PLCE1: variants seen among roughly 807,000 people sequenced by gnomAD.
The protein encoded by PLCE1 is phospholipase C epsilon 1.
In PLCE1, 119 loss-of-function variants were observed where a neutral mutation model predicts 242.8. That is an observed-to-expected ratio of 0.49 (90% confidence interval 0.42 to 0.57). PLCE1 has a LOEUF of 0.57. PLCE1 is among the 20% of genes least tolerant of loss of function. The probability of loss-of-function intolerance (pLI) is 0.00; values close to 1 mark genes in which losing one functional copy is unlikely to be tolerated. For missense variants in PLCE1, 2,441 were observed against 2,788.8 expected (o/e 0.88, Z 2.81); for synonymous variants, 945 against 1,017.4 (o/e 0.93, Z 1.35).
At chr10:94,157,691 G>A (rs1169295121) in intron 3 of PLCE1, among the ~76,000 whole-genome samples, 2 of 152,204 alleles carry the variant, frequency 1.3e-5, no homozygotes, top group Non-Finnish European at 2.9e-5. Context: ...GTTTTCTGAT[G>A]TGTAAAGTGT....
chr10:94,268,250 T>C (rs758272469), intron 16 of PLCE1, among the ~76,000 whole-genome samples: 2 of 152,186 alleles, frequency 1.3e-5, no homozygotes, highest in Non-Finnish European at 2.9e-5. Context: ...TGAGCTAACA[T>C]ATTAAAGCTT....
chr10:94,128,316 A>T (rs1476450976), intron 2 of PLCE1, among the ~76,000 whole-genome samples: 1 of 152,180 alleles, frequency 6.6e-6, no homozygotes, highest in African/African-American at 2.4e-5. Context: ...TTCCCTGAAC[A>T]TTGCCATATC....
intron 2 of PLCE1, among the ~76,000 whole-genome samples, chr10:94,042,665 A>G (rs766614982): frequency 6.6e-6 from 1 of 152,108 alleles, no homozygotes; most frequent in Non-Finnish European, 1.5e-5. Flanking sequence ...AACAATACCA[A>G]TTCTTAATGC....
intron 2 of PLCE1, among the ~76,000 whole-genome samples, chr10:94,112,590 A>G (rs1416661953): frequency 6.6e-6 from 1 of 152,222 alleles, no homozygotes; most frequent in Admixed American, 6.5e-5. Flanking sequence ...CTGGCTGCTC[A>G]TAGAATCACT....
intron 3 of PLCE1, among the ~76,000 whole-genome samples, chr10:94,158,860 T>C (rs987860272): frequency 1.3e-4 from 19 of 144,442 alleles, no homozygotes; most frequent in Non-Finnish European, 2.1e-4. Flanking sequence ...TTTTCTTTTT[T>C]TTTTTTTTTT....
chr10:94,173,200 G>A (rs1425668773), intron 4 of PLCE1, among the ~76,000 whole-genome samples: 1 of 152,142 alleles, frequency 6.6e-6, no homozygotes, highest in Non-Finnish European at 1.5e-5. Flanking sequence ...TCAGGCCCTG[G>A]GCTTTGAATA....
chr10:94,154,114 A>G (rs1241972869), intron 3 of PLCE1, among the ~76,000 whole-genome samples: 1 of 152,226 alleles, frequency 6.6e-6, no homozygotes, highest in African/African-American at 2.4e-5. Context: ...TACAGGCATA[A>G]AGACAGACAT....
intron 2 of PLCE1, among the ~76,000 whole-genome samples, chr10:94,039,017 G>A (rs1049672275): frequency 1.1e-4 from 16 of 151,952 alleles, no homozygotes; most frequent in African/African-American, 1.9e-4. Context: ...CTTTCACTTC[G>A]CATAATCTTT....
chr10:94,310,356 C>T (rs12254178), intron 27 of PLCE1, among the ~76,000 whole-genome samples: 5,109 of 152,256 alleles, frequency 0.034, 287 homozygotes, highest in African/African-American at 0.11. Flanking sequence ...CCCTTCATCA[C>T]TCCACAGCAA....
chr10:94,102,434 T>G (rs562713667), intron 2 of PLCE1, among the ~76,000 whole-genome samples: 176 of 152,258 alleles, frequency 1.2e-3, no homozygotes, highest in Non-Finnish European at 2.1e-3. Context: ...TTATTGTTTT[T>G]CAGTTTTTAC....
chr10:94,155,057 CT>C (rs1317462926), intron 3 of PLCE1, among the ~76,000 whole-genome samples: 1 of 151,928 alleles, frequency 6.6e-6, no homozygotes, highest in Non-Finnish European at 1.5e-5. Flanking sequence ...GGTACAACCC[CT>C]GTAGGAAACA....
chr10:94,222,023 G>A (rs987634175), intron 4 of PLCE1, among the ~76,000 whole-genome samples: 4 of 152,006 alleles, frequency 2.6e-5, no homozygotes, highest in African/African-American at 2.4e-5. Context: ...CCCTGCCCAC[G>A]GCCTCCTGGG....
chr10:93,996,743 A>G (rs1223583), intron 1 of PLCE1, among the ~76,000 whole-genome samples: 83,302 of 152,096 alleles, frequency 0.55, 23,715 homozygotes, highest in East Asian at 0.75. Flanking sequence ...CTCGGAGGCT[A>G]CATTGTCCAA....
chr10:94,297,045 T>C (rs1406725607), intron 23 of PLCE1, among the ~76,000 whole-genome samples: 2 of 152,038 alleles, frequency 1.3e-5, no homozygotes, highest in Non-Finnish European at 2.9e-5. Flanking sequence ...TTTTTGTATT[T>C]TTAGTAGAGA....
At chr10:94,212,305 G>A (rs945225142) in intron 4 of PLCE1, among the ~76,000 whole-genome samples, 2 of 152,088 alleles carry the variant, frequency 1.3e-5, no homozygotes, top group Admixed American at 6.5e-5. Flanking sequence ...TGCCCAGGCC[G>A]GAGTGCAGTG....
intron 4 of PLCE1, 114 bp downstream of exon 4, chr10:94,171,610 C>T: frequency 2.4e-6 from 2 of 847,242 alleles, no homozygotes; most frequent in Non-Finnish European, 4.1e-6. Context: ...TTCTGTCTTG[C>T]CACTTCCATG....
chr10:94,315,425 C>T (rs905617638), intron 28 of PLCE1: 1 of 456,112 alleles, frequency 2.2e-6, no homozygotes, highest in African/African-American at 2.0e-5. Context: ...TTCACTGCAA[C>T]TGACCTTTAC....
At chr10:94,045,041 C>T (rs1053125643) in intron 2 of PLCE1, among the ~76,000 whole-genome samples, 1 of 152,204 alleles carries the variant, frequency 6.6e-6, no homozygotes, top group Non-Finnish European at 1.5e-5. Flanking sequence ...TGCTCTGTCA[C>T]CTAGGCTGAA....
At chr10:94,041,389 T>C (rs1019574321) in intron 2 of PLCE1, among the ~76,000 whole-genome samples, 5 of 152,164 alleles carry the variant, frequency 3.3e-5, no homozygotes, top group East Asian at 1.9e-4. Context: ...GGATTTTCCA[T>C]TGAAATTTGA....
Sources: allele counts gnomAD v4.1 joint callset (sites outside exome capture counted in the v4.1 genomes callset), GRCh38; gene constraint gnomAD v4.1.1; transcripts MANE v1.5; gene names NCBI Gene and HGNC (gene_info 2026-07-23, HGNC 2026-07-21).